Variants in NDRG3 observed in about 807,000 individuals in gnomAD.
The protein encoded by NDRG3 is NDRG family member 3.
NDRG3 carries 23 observed loss-of-function variants against 57.2 expected under a neutral mutation model. The ratio of observed to expected loss-of-function variants is 0.40; its 90% CI spans 0.29 to 0.57. The LOEUF (loss-of-function observed/expected upper bound fraction) is 0.57. Ranked by LOEUF, NDRG3 falls within the 20% of genes least tolerant of loss-of-function variation. The pLI is 0.42. For missense variants in NDRG3, 384 were observed against 457.3 expected, an observed-to-expected ratio of 0.84 and a Z score of 1.46; for synonymous variants, 132 against 162.6, an observed-to-expected ratio of 0.81 and a Z score of 1.43.
At chr20:36,739,429 GGAGT>G (rs1429608837) in intron 1 of NDRG3, among the ~76,000 whole-genome samples, 1 of 149,034 alleles carries the variant, frequency 6.7e-6, no homozygotes, top group African/African-American at 2.5e-5. Flanking sequence ...CTTGGGCAAC[GGAGT>G]GAGACTCCGC....
At chr20:36,660,659 C>G (rs1269545831) in intron 12 of NDRG3, among the ~76,000 whole-genome samples, 3 of 151,510 alleles carry the variant, frequency 2.0e-5, no homozygotes, top group Non-Finnish European at 2.9e-5. Flanking sequence ...CTCCCGGGTT[C>G]ACGCCATTCT....
At chr20:36,720,013 A>G (rs904702148) in intron 2 of NDRG3, among the ~76,000 whole-genome samples, 24 of 150,766 alleles carry the variant, frequency 1.6e-4, no homozygotes, top group African/African-American at 5.8e-4. Flanking sequence ...AGGCTGAGGC[A>G]GAAGAATCAC....
chr20:36,723,891 G>C (rs994699996), intron 1 of NDRG3, among the ~76,000 whole-genome samples: 1 of 151,960 alleles, frequency 6.6e-6, no homozygotes, highest in Admixed American at 6.6e-5. Context: ...ATTTTTAGTA[G>C]AGACAGGGTT....
chr20:36,699,594 C>A (rs1983070274), intron 3 of NDRG3, among the ~76,000 whole-genome samples: 1 of 152,082 alleles, frequency 6.6e-6, no homozygotes, highest in Non-Finnish European at 1.5e-5. Flanking sequence ...CTGCTGAGAA[C>A]TGAGGGAAAC....
chr20:36,729,464 C>T lies in NDRG3; in HGVS notation c.-48-7681G>A, dbSNP rs552739076. 4.6e-5 allele frequency among the ~76,000 whole-genome samples: 7 copies of T among 152,112 alleles called. No homozygotes were observed. The South Asian group carries it at 1.5e-3, about 32-fold the overall frequency. On this transcript the variant is annotated intron_variant, in intron 1 of 15. Transcript: ENST00000349004. ...GAGAGTCTAACATGTGACCTCATCA[C>T]TGAGGAGAGATGGAGATAATCTGAG...
chr20:36,694,430 T>A (rs925666661), intron 3 of NDRG3, among the ~76,000 whole-genome samples: 1 of 152,220 alleles, frequency 6.6e-6, no homozygotes, highest in African/African-American at 2.4e-5. Flanking sequence ...CCAGGCTGTC[T>A]AATGTCAATT....
chr20:36,700,157 GT>G (rs1221953058), intron 3 of NDRG3, among the ~76,000 whole-genome samples: 5 of 148,430 alleles, frequency 3.4e-5, no homozygotes, highest in African/African-American at 1.2e-4. Context: ...ATAGGGCAAA[GT>G]TACTACTTTG....
At chr20:36,691,367 A>G (rs1035152309) in intron 3 of NDRG3, among the ~76,000 whole-genome samples, 1 of 152,242 alleles carries the variant, frequency 6.6e-6, no homozygotes, top group Non-Finnish European at 1.5e-5. Context: ...AAAGCCTTCA[A>G]AAATGAACAT....
rs191931206 is a variant in NDRG3, at chr20:36,711,817, C to T, written c.58-4810G>A. Among the ~76,000 whole-genome samples, 964 of 152,284 alleles carry T rather than the reference C, an allele frequency of 6.3e-3. 3 individuals carry two copies. Among genetic ancestry groups the T allele is most frequent in the South Asian group, 0.014 (68 of 4,824 alleles). ...TTTTTGAGACGGAGTCTCGCTTTGT[C>T]GCCCAGGCTGCAGTTGCAGTGGCAC... On this transcript the variant is annotated intron_variant, in intron 2 of 15. Coordinates refer to ENST00000349004, the MANE Select transcript of NDRG3 (RefSeq NM_032013.4).
intron 3 of NDRG3, 126 bp from the exon 4 acceptor site, chr20:36,688,910 GT>G (rs1351206755): frequency 1.4e-6 from 1 of 696,246 alleles, no homozygotes; most frequent in Non-Finnish European, 2.6e-6. Context: ...TAAATTACAT[GT>G]GGCTGGGCGT....
chr20:36,671,644 T>C (rs1429650410), intron 8 of NDRG3, among the ~76,000 whole-genome samples: 1 of 151,744 alleles, frequency 6.6e-6, no homozygotes, highest in Non-Finnish European at 1.5e-5. Flanking sequence ...CTACTAAAAA[T>C]ACAAAAAATT....
intron 2 of NDRG3, among the ~76,000 whole-genome samples, chr20:36,712,682 G>A (rs1294658816): frequency 7.5e-5 from 10 of 132,472 alleles, no homozygotes; most frequent in East Asian, 5.1e-4. Context: ...TGCAACCTCC[G>A]CCTGCCAAGT....
chr20:36,745,042 C>T (rs1012281406), intron 1 of NDRG3, among the ~76,000 whole-genome samples: 1 of 151,514 alleles, frequency 6.6e-6, no homozygotes, highest in Non-Finnish European at 1.5e-5. Flanking sequence ...CAGTAAGCCA[C>T]CAAAGGAAAG....
chr20:36,715,033 TATA>T, intron 2 of NDRG3, among the ~76,000 whole-genome samples: 1 of 118,894 alleles, frequency 8.4e-6, no homozygotes, highest in Admixed American at 8.4e-5. Context: ...TATATATATA[TATA>T]TATATATATA....
intron 1 of NDRG3, among the ~76,000 whole-genome samples, chr20:36,742,615 A>G (rs1036500534): frequency 2.0e-5 from 3 of 152,232 alleles, no homozygotes; most frequent in Admixed American, 6.5e-5. Flanking sequence ...ATCCTGAATA[A>G]CATACAATTT....
intron 1 of NDRG3, among the ~76,000 whole-genome samples, chr20:36,741,612 T>C (rs193239204): frequency 5.6e-4 from 86 of 152,254 alleles, no homozygotes; most frequent in African/African-American, 2.0e-3. Context: ...TAGAGCTTGG[T>C]ATATATCTTT....
intron 2 of NDRG3, among the ~76,000 whole-genome samples, chr20:36,719,462 G>A (rs1984464638): frequency 6.6e-6 from 1 of 151,304 alleles, no homozygotes; most frequent in African/African-American, 2.4e-5. Context: ...GCTTGCCAAG[G>A]GAGAGAGAAG....
intron 9 of NDRG3, among the ~76,000 whole-genome samples, chr20:36,669,227 T>C (rs1266499645): frequency 1.3e-5 from 2 of 151,160 alleles, no homozygotes; most frequent in Admixed American, 6.6e-5. Context: ...CGGCTAATTT[T>C]GTATTTTTTT....
At chr20:36,662,528 C>T (rs1283750643) in intron 12 of NDRG3, among the ~76,000 whole-genome samples, 1 of 152,188 alleles carries the variant, frequency 6.6e-6, no homozygotes, top group East Asian at 1.9e-4. Context: ...CATCTACTTT[C>T]TCCTCAGCTG....
Sources: allele counts gnomAD v4.1 joint callset (sites outside exome capture counted in the v4.1 genomes callset), GRCh38; gene constraint gnomAD v4.1.1; transcripts MANE v1.5; gene names NCBI Gene and HGNC (gene_info 2026-07-23, HGNC 2026-07-21).